GFRAL: variants seen among roughly 807,000 people sequenced by gnomAD.
GFRAL encodes GDNF family receptor alpha like.
In GFRAL, 36 loss-of-function variants were observed where a neutral mutation model predicts 45.4. The ratio of observed to expected loss-of-function variants is 0.79; its 90% confidence interval spans 0.61 to 1.05. The LOEUF (loss-of-function observed/expected upper bound fraction) is 1.05. GFRAL is among the 50% of genes least tolerant of loss of function. GFRAL has a pLI of 0.00. For synonymous variants in GFRAL, 166 were observed against 154.1 expected (o/e 1.08, Z -0.57); for missense variants, 507 against 467.5 (o/e 1.08, Z -0.78).
chr6:55,365,348 A>T (rs1430124121), intron 6 of GFRAL, among the ~76,000 whole-genome samples: 1 of 139,212 alleles, frequency 7.2e-6, no homozygotes, highest in East Asian at 2.0e-4. Context: ...GGCTGAGACA[A>T]TGGGGTTTTC....
intron 3 of GFRAL, among the ~76,000 whole-genome samples, chr6:55,339,807 TTAA>T (rs1767938551): frequency 6.6e-6 from 1 of 152,216 alleles, no homozygotes; most frequent in African/African-American, 2.4e-5. Flanking sequence ...ACATCTGAAC[TTAA>T]TAGCCTAAAT....
intron 3 of GFRAL, among the ~76,000 whole-genome samples, chr6:55,342,073 A>C (rs976633879): frequency 6.6e-6 from 1 of 152,200 alleles, no homozygotes; most frequent in African/African-American, 2.4e-5. Context: ...GTGATGGGGA[A>C]AATGGAACCA....
At chr6:55,368,781 A>C (rs1768404085) in intron 6 of GFRAL, among the ~76,000 whole-genome samples, 1 of 152,170 alleles carries the variant, frequency 6.6e-6, no homozygotes, top group Non-Finnish European at 1.5e-5. Flanking sequence ...GACCCACCTG[A>C]GGAGGCAGTC....
intron 6 of GFRAL, among the ~76,000 whole-genome samples, chr6:55,371,489 T>C (rs1768449702): frequency 6.6e-6 from 1 of 152,170 alleles, no homozygotes; most frequent in South Asian, 2.1e-4. Context: ...AAAAGTGAAA[T>C]ATAAATGGTG....
At chr6:55,391,833 C>G (rs1421977363) in intron 6 of GFRAL, among the ~76,000 whole-genome samples, 3 of 152,194 alleles carry the variant, frequency 2.0e-5, no homozygotes, top group African/African-American at 7.2e-5. Flanking sequence ...TAATCCATAT[C>G]TGATGTTAAC....
intron 3 of GFRAL, among the ~76,000 whole-genome samples, chr6:55,340,188 C>G (rs889982127): frequency 6.6e-6 from 1 of 152,062 alleles, no homozygotes; most frequent in South Asian, 2.1e-4. Flanking sequence ...TTAAATCTTA[C>G]CATTCCTTCT....
At chr6:55,378,695 G>GT (rs147034205) in intron 6 of GFRAL, among the ~76,000 whole-genome samples, 6,282 of 151,684 alleles carry the variant, frequency 0.041, 846 homozygotes, top group East Asian at 0.37. Context: ...CAAGTCTGCT[G>GT]TTTTTTTTAA....
At chr6:55,341,352 A>G (rs1262481258) in intron 3 of GFRAL, among the ~76,000 whole-genome samples, 1 of 152,060 alleles carries the variant, frequency 6.6e-6, no homozygotes, top group Non-Finnish European at 1.5e-5. Context: ...AGACAACAAC[A>G]TTTGCTGTTC....
chr6:55,371,576 A>T (rs1272022477), intron 6 of GFRAL, among the ~76,000 whole-genome samples: 3 of 152,218 alleles, frequency 2.0e-5, no homozygotes, highest in African/African-American at 4.8e-5. Context: ...GACATTTGTC[A>T]CAAGTTTTTT....
chr6:55,366,702 A>C (rs927156836), intron 6 of GFRAL, among the ~76,000 whole-genome samples: 1 of 100,100 alleles, frequency 1.0e-5, no homozygotes, highest in African/African-American at 5.2e-5. Context: ...TTATGTACCC[A>C]GTAGTCATTC....
chr6:55,375,000 G>T (rs1218539011), intron 6 of GFRAL, among the ~76,000 whole-genome samples: 1 of 152,064 alleles, frequency 6.6e-6, no homozygotes, highest in Admixed American at 6.6e-5. Flanking sequence ...TCTTATACCA[G>T]TATCATACTG....
At chr6:55,349,693 A>T (rs115771564) in intron 3 of GFRAL, among the ~76,000 whole-genome samples, 2,010 of 152,146 alleles carry the variant, frequency 0.013, 25 homozygotes, top group Non-Finnish European at 0.022. Context: ...TTCATACTAA[A>T]GAAGACCCTT....
intron 6 of GFRAL, among the ~76,000 whole-genome samples, chr6:55,389,359 C>T (rs1173854765): frequency 6.6e-6 from 1 of 152,038 alleles, no homozygotes; most frequent in Non-Finnish European, 1.5e-5. Context: ...TAGTACTTAT[C>T]TCTACTTTTC....
intron 3 of GFRAL, among the ~76,000 whole-genome samples, chr6:55,348,077 T>C (rs1293572043): frequency 6.6e-6 from 1 of 152,106 alleles, no homozygotes; most frequent in African/African-American, 2.4e-5. Flanking sequence ...TTAGAGCATA[T>C]TTTAGGGATT....
At chr6:55,395,095 T>C (rs1400794124) in intron 6 of GFRAL, among the ~76,000 whole-genome samples, 2 of 150,490 alleles carry the variant, frequency 1.3e-5, no homozygotes, top group African/African-American at 4.9e-5. Context: ...GTGAACACTC[T>C]CCAAAAGAGT....
At chr6:55,363,138 A>G (rs1768300311) in intron 6 of GFRAL, among the ~76,000 whole-genome samples, 1 of 152,084 alleles carries the variant, frequency 6.6e-6, no homozygotes, top group African/African-American at 2.4e-5. Context: ...AATACAAAAA[A>G]AAAAGCATGT....
chr6:55,329,371 A>G (rs1385247943), intron 1 of GFRAL, among the ~76,000 whole-genome samples: 1 of 152,176 alleles, frequency 6.6e-6, no homozygotes, highest in East Asian at 1.9e-4. Flanking sequence ...GACAACATGT[A>G]GTATTTCTAA....
At chr6:55,364,045 G>A (rs9767102) in intron 6 of GFRAL, among the ~76,000 whole-genome samples, 3,556 of 125,124 alleles carry the variant, frequency 0.028, 112 homozygotes, top group African/African-American at 0.058. Context: ...CTAGTTTACT[G>A]TCCCACCAAC....
In GFRAL at chr6:55,333,883, C is replaced by T; in HGVS notation, c.255C>T (p.Cys85=). Reference sequence around the variant, plus strand: ...ATTTCCAATTTAAAGAGTGTCTTTGCACTGATGACTTCTATTGTACTGTGA... The same window carrying T: ...ATTTCCAATTTAAAGAGTGTCTTTGTACTGATGACTTCTATTGTACTGTGA... ...ESNFQFKECL[C]TDDFYCTVNK... is the part of the protein sequence containing the mutation. The change falls in exon 3 of 9, where the codon TGC becomes TGT. Residue 85 remains cysteine (C), a synonymous_variant. Transcript: ENST00000340465. 6.2e-7 allele frequency: 1 copy of T among 1,609,572 alleles called. No homozygotes were observed. The highest frequency in any genetic ancestry group is 8.5e-7 in the Non-Finnish European group (1 of 1,177,048).
Sources: gnomAD v4.1 joint callset for allele counts (sites outside exome capture counted in the v4.1 genomes callset) on GRCh38, gnomAD v4.1.1 for gene constraint, MANE v1.5 for transcripts, NCBI Gene and HGNC (gene_info 2026-07-23, HGNC 2026-07-21) for gene names.